The following FGGY variants were observed in gnomAD, a reference collection of about 807,000 sequenced individuals.
FGGY encodes the protein FGGY carbohydrate kinase domain-containing protein.
In FGGY, 72 loss-of-function variants were observed where a neutral mutation model predicts 71.3. The observed-to-expected ratio is 1.01, with a 90% CI of 0.84 to 1.23. The LOEUF is 1.23. Ranked by LOEUF, FGGY falls within the 50% of genes most tolerant of loss-of-function variation. The pLI is 0.00. For synonymous variants in FGGY, 251 were observed against 250.3 expected, an observed-to-expected ratio of 1.00 and a Z score of -0.02; for missense variants, 668 against 682.3, an observed-to-expected ratio of 0.98 and a Z score of 0.23.
intron 8 of FGGY, among the ~76,000 whole-genome samples, chr1:59,582,572 T>C (rs1446087710): frequency 6.7e-6 from 1 of 149,474 alleles, no homozygotes; most frequent in Non-Finnish European, 1.5e-5. Flanking sequence ...CTCTACTCCT[T>C]CTCCTAAGTC....
chr1:59,435,706 T>C (rs1375003479), intron 5 of FGGY, among the ~76,000 whole-genome samples: 1 of 151,958 alleles, frequency 6.6e-6, no homozygotes, highest in East Asian at 1.9e-4. Context: ...CACTTTCTTC[T>C]TTGCCACTTG....
intron 5 of FGGY, among the ~76,000 whole-genome samples, chr1:59,435,991 T>A (rs1572123178): frequency 1.3e-5 from 2 of 152,148 alleles, no homozygotes; most frequent in African/African-American, 2.4e-5. Context: ...GCTGGCCTGG[T>A]GTCACATTGG....
intron 10 of FGGY, among the ~76,000 whole-genome samples, chr1:59,630,141 A>G (rs367865885): frequency 6.6e-5 from 10 of 152,184 alleles, no homozygotes; most frequent in African/African-American, 2.2e-4. Context: ...TAAAACCATC[A>G]GATCTCATGA....
chr1:59,656,404 C>A (rs946942602), intron 11 of FGGY, among the ~76,000 whole-genome samples: 3 of 152,174 alleles, frequency 2.0e-5, no homozygotes, highest in Non-Finnish European at 4.4e-5. Context: ...CACCTCCCTT[C>A]GAAGACAGCT....
At chr1:59,705,128 AGAG>A (rs1444159337) in intron 14 of FGGY, among the ~76,000 whole-genome samples, 4 of 152,282 alleles carry the variant, frequency 2.6e-5, no homozygotes, top group Middle Eastern at 3.4e-3. Context: ...TCATTGATTT[AGAG>A]GAGTTCTTTA....
intron 11 of FGGY, among the ~76,000 whole-genome samples, chr1:59,644,619 C>G (rs188583030): frequency 2.9e-4 from 44 of 150,786 alleles, no homozygotes; most frequent in African/African-American, 9.7e-4. Flanking sequence ...ACAGACACGC[C>G]CCCCCCCACC....
chr1:59,369,683 C>T (rs1380046733), intron 4 of FGGY, among the ~76,000 whole-genome samples: 1 of 152,172 alleles, frequency 6.6e-6, no homozygotes, highest in Non-Finnish European at 1.5e-5. Context: ...CAGACTGACA[C>T]CTCACACGGC....
intron 6 of FGGY, among the ~76,000 whole-genome samples, chr1:59,488,053 C>G (rs2093707066): frequency 1.3e-5 from 2 of 152,086 alleles, no homozygotes; most frequent in Non-Finnish European, 1.5e-5. Context: ...TGAAACCATG[C>G]CGTATATGCC....
At chr1:59,623,020 G>T (rs1188353336) in intron 9 of FGGY, among the ~76,000 whole-genome samples, 3 of 152,124 alleles carry the variant, frequency 2.0e-5, no homozygotes, top group African/African-American at 7.2e-5. Context: ...GGAAAATAAT[G>T]ATGCTCTTGC....
intron 7 of FGGY, among the ~76,000 whole-genome samples, chr1:59,523,178 A>T (rs2094883687): frequency 6.6e-6 from 1 of 152,222 alleles, no homozygotes; most frequent in African/African-American, 2.4e-5. Flanking sequence ...ACGGACTGCT[A>T]GAAAAGTGTG....
intron 5 of FGGY, among the ~76,000 whole-genome samples, chr1:59,392,244 G>C (rs972015870): frequency 2.6e-5 from 4 of 152,076 alleles, no homozygotes; most frequent in African/African-American, 9.7e-5. Context: ...TGTGATTCTT[G>C]GTAGTCTCAA....
intron 6 of FGGY, among the ~76,000 whole-genome samples, chr1:59,479,736 T>G (rs2093402367): frequency 6.6e-6 from 1 of 152,108 alleles, no homozygotes; most frequent in African/African-American, 2.4e-5. Flanking sequence ...AAAAGATGAT[T>G]AGAGAAATCT....
At chr1:59,673,824 C>A in intron 13 of FGGY, 1 of 525,148 alleles carries the variant, frequency 1.9e-6, no homozygotes, top group Non-Finnish European at 3.5e-6. Context: ...TGTTGGTTCC[C>A]TTGGGCTCTT....
chr1:59,685,406 T>C (rs976080327), intron 14 of FGGY, among the ~76,000 whole-genome samples: 1 of 152,040 alleles, frequency 6.6e-6, no homozygotes, highest in African/African-American at 2.4e-5. Flanking sequence ...AACAGAATAA[T>C]TTATTTGTCA....
At chr1:59,304,624 A>G (rs1236569000) in intron 1 of FGGY, among the ~76,000 whole-genome samples, 1 of 151,938 alleles carries the variant, frequency 6.6e-6, no homozygotes, top group Non-Finnish European at 1.5e-5. Context: ...GTATTTTGAT[A>G]GAAATTACTT....
chr1:59,524,053 G>A (rs1570651428), intron 7 of FGGY, among the ~76,000 whole-genome samples: 1 of 152,216 alleles, frequency 6.6e-6, no homozygotes, highest in African/African-American at 2.4e-5. Context: ...TACGCTCTCA[G>A]GGGCCCAGGA....
chr1:59,366,406 C>G (rs2153233996), intron 4 of FGGY, among the ~76,000 whole-genome samples: 1 of 152,156 alleles, frequency 6.6e-6, no homozygotes, highest in East Asian at 1.9e-4. Context: ...TAGGCCTCTG[C>G]TTGCATCTCT....
At chr1:59,568,176 T>C (rs2095909202) in intron 8 of FGGY, among the ~76,000 whole-genome samples, 1 of 152,200 alleles carries the variant, frequency 6.6e-6, no homozygotes, top group Non-Finnish European at 1.5e-5. Flanking sequence ...TAAGTCAGCT[T>C]TAAATGGCTT....
At chr1:59,587,026 G>T (rs544031385) in intron 8 of FGGY, among the ~76,000 whole-genome samples, 1 of 152,120 alleles carries the variant, frequency 6.6e-6, no homozygotes, top group Non-Finnish European at 1.5e-5. Context: ...GGGTCAGGGA[G>T]TTCCCTTTCC....
Sources: allele counts gnomAD v4.1 joint callset (sites outside exome capture counted in the v4.1 genomes callset), GRCh38; gene constraint gnomAD v4.1.1; transcripts MANE v1.5; gene names NCBI Gene and HGNC (gene_info 2026-07-23, HGNC 2026-07-21).